NABP2: variants seen among roughly 807,000 people sequenced by gnomAD.
NABP2 encodes the protein nucleic acid binding protein 2, also known as SOSS complex subunit B1.
Under a neutral mutation model 22.7 loss-of-function variants are expected in NABP2, and 7 were observed. The observed-to-expected ratio is 0.31, with a 90% CI of 0.18 to 0.58. NABP2 has a LOEUF of 0.58. Ranked by LOEUF, NABP2 falls within the 20% of genes least tolerant of loss-of-function variation. The pLI, the probability that NABP2 is intolerant of heterozygous loss-of-function variation, is 0.89. For synonymous variants in NABP2, 107 were observed against 99.2 expected (o/e 1.08, Z -0.47); for missense variants, 188 against 265.9 (o/e 0.71, Z 2.04).
rs957219985 is a variant in NABP2, at chr12:56,225,445, A to T, written c.152A>T (p.Asn51Ile). The T allele has an allele frequency of 6.2e-7, 1 of 1,614,070 alleles. No homozygotes were observed. Among genetic ancestry groups the T allele is most frequent in the Non-Finnish European group, 8.5e-7 (1 of 1,180,054 alleles). Residue 51 changes from asparagine (N) to isoleucine (I), a missense_variant, in exon 3 of 7, where the codon AAT becomes ATT. Asn to Ile is a moderately radical substitution (Grantham distance 149). Transcript: ENST00000267023. Reference protein sequence around the residue: ...CKVADKTGSINISVWDDVGNL... With the variant: ...CKVADKTGSIIISVWDDVGNL... ...GTGGCGGACAAAACAGGCAGCATCA[A>T]TATCTCTGTCTGGGACGATGTTGGC...
intron 4 of NABP2, 148 bp from the exon 5 acceptor site, chr12:56,226,031 G>A: frequency 2.8e-6 from 2 of 722,258 alleles, no homozygotes; most frequent in Non-Finnish European, 2.4e-6. Flanking sequence ...CAAACTCCTG[G>A]GCTGAAGTGA....
At chr12:56,224,553 T>C in intron 1 of NABP2, 112 bp downstream of exon 1, 4 of 1,205,368 alleles carry the variant, frequency 3.3e-6, no homozygotes, top group Non-Finnish European at 4.2e-6. Context: ...GTGCACCGGG[T>C]TCCCTACCCC....
chr12:56,229,061 G>C lies in NABP2; in HGVS notation c.484G>C (p.Gly162Arg), dbSNP rs756410440. ...GNGLSAPPGP[G>R]GGPHPPHTPS... ...TGGACTGAGTGCCCCACCAGGTCCC[G>C]GTGGTGGCCCACATCCCCCTCATAC... Residue 162 changes from glycine to arginine, a missense_variant, in exon 7 of 7, where the codon GGT (glycine) becomes CGT (arginine). Coordinates refer to ENST00000267023, the MANE Select transcript of NABP2 (RefSeq NM_024068.4). 1 of 1,612,978 alleles carries C rather than the reference G, an allele frequency of 6.2e-7. No homozygotes were observed. Among genetic ancestry groups the C allele is most frequent in the South Asian group, 1.1e-5 (1 of 90,870 alleles).
chr12:56,229,564 G>A lies in NABP2; in HGVS notation c.*351G>A, dbSNP rs573578806. ...AGCCTGACCAACATGGAGAAACCCC[G>A]TGTCTACTAAAAATACAGAATTAGC... On this transcript the variant is annotated 3_prime_UTR_variant, in exon 7 of 7. Coordinates refer to ENST00000267023, the MANE Select transcript of NABP2 (RefSeq NM_024068.4). 8.4e-5 allele frequency: 21 copies of A among 250,954 alleles called. No homozygotes were observed. Among genetic ancestry groups the A allele is most frequent in the Admixed American group, 7.0e-4 (14 of 19,878 alleles). The allele number at this position is 250,954 out of a possible 1,614,324, so 15.5% of individuals were successfully genotyped here.
At chr12:56,226,753 A>T (rs1305470347) in intron 6 of NABP2, among the ~76,000 whole-genome samples, 1 of 6,622 alleles carries the variant, frequency 1.5e-4, no homozygotes. Flanking sequence ...TTTGAGATGG[A>T]GTCTCTGTCA....
rs772446545 is a variant in NABP2 at position 56,226,216 on chromosome 12, G to A, written c.328G>A (p.Glu110Lys). The change falls in exon 5 of 7, where the codon GAG becomes AAG. Residue 110 changes from glutamate (E) to lysine (K), a missense_variant. Glu to Lys is a moderately conservative substitution (Grantham distance 56). Transcript: ENST00000267023. ...TTATTCTGAGGTTCCTAACTTCAGTGAGCCAAACCCAGAGTACAGCACCCA... is the reference window on the plus strand; with the variant it reads ...TTATTCTGAGGTTCCTAACTTCAGTAAGCCAAACCCAGAGTACAGCACCCA... ...MVYSEVPNFS[E>K]PNPEYSTQQA... 6.2e-7 allele frequency: 1 copy of A among 1,614,150 alleles called. No individual in the cohort carries two copies. The highest frequency in any genetic ancestry group is 8.5e-7 in the Non-Finnish European group (1 of 1,180,026).
At chr12:56,228,430 G>A (rs1481315084) in intron 6 of NABP2, among the ~76,000 whole-genome samples, 8 of 150,218 alleles carry the variant, frequency 5.3e-5, no homozygotes, top group South Asian at 2.1e-4. Context: ...ACTGTCACCC[G>A]GGCTGGAGTG....
chr12:56,224,540 G>T, intron 1 of NABP2, 99 bp downstream of exon 1: 1 of 1,185,920 alleles, frequency 8.4e-7, no homozygotes, highest in Non-Finnish European at 1.1e-6. Context: ...CTACTCCCTG[G>T]CTGTGCACCG....
chr12:56,226,556 CCTTT>C, intron 6 of NABP2, 137 bp downstream of exon 6: 1 of 471,018 alleles, frequency 2.1e-6, no homozygotes, highest in Non-Finnish European at 3.7e-6. Flanking sequence ...CTCCCAGACC[CCTTT>C]TTTTTTTTTT....
At chr12:56,223,674 A>T (rs1455161547), upstream of NABP2, 1 of 152,222 alleles carries the variant, frequency 6.6e-6, no homozygotes, top group Non-Finnish European at 1.5e-5. Flanking sequence ...TGGGTAGTGC[A>T]TTAAAGATGA....
At chr12:56,227,909 C>T (rs542002525) in intron 6 of NABP2, among the ~76,000 whole-genome samples, 1 of 152,286 alleles carries the variant, frequency 6.6e-6, no homozygotes, top group East Asian at 1.9e-4. Context: ...AATCTTTTCA[C>T]TAGCTGGGCG....
chr12:56,226,106 T>C, intron 4 of NABP2, 73 bp from the exon 5 acceptor site: 3 of 1,411,102 alleles, frequency 2.1e-6, no homozygotes, highest in Non-Finnish European at 3.0e-6. Flanking sequence ...CGAACCTATC[T>C]GGACTTTTCT....
rs1169682117 is a variant in NABP2 at position 56,229,126 on chromosome 12, G to A, written c.549G>A (p.Gln183=). The change falls in exon 7 of 7, where the codon CAG becomes CAA. Residue 183 remains glutamine (Q), a synonymous_variant. Coordinates refer to ENST00000267023, the MANE Select transcript of NABP2 (RefSeq NM_024068.4). ...HPPSTRITRS[Q]PNHTPAGPPG... ...CCAGCACCCGAATCACTCGAAGCCA[G>A]CCCAACCACACACCTGCAGGCCCGC... 7.9e-7 allele frequency: 1 copy of A among 1,269,714 alleles called. No individual in the cohort carries two copies. Among genetic ancestry groups the A allele is most frequent in the African/African-American group, 1.8e-5 (1 of 54,174 alleles). 78.7% of individuals were successfully genotyped at this position (1,269,714 alleles called of 1,614,324 possible).
intron 4 of NABP2, 42 bp downstream of exon 4, chr12:56,225,737 C>T (rs1869732006): frequency 1.2e-6 from 2 of 1,602,342 alleles, no homozygotes; most frequent in Non-Finnish European, 8.6e-7. Context: ...AGCACCAGGG[C>T]AAAGGGGTTT....
intron 6 of NABP2, 140 bp downstream of exon 6, chr12:56,226,559 T>C: frequency 6.4e-6 from 2 of 313,890 alleles, no homozygotes; most frequent in Non-Finnish European, 5.3e-6. Flanking sequence ...CCAGACCCCT[T>C]TTTTTTTTTT....
chr12:56,224,211 T>A (rs1211722500), upstream of NABP2: 1 of 498,924 alleles, frequency 2.0e-6, no homozygotes, highest in African/African-American at 2.1e-5. Context: ...TACCTGAAAT[T>A]CGCCCCCTTC....
rs758138942 is a variant in NABP2, at chr12:56,226,165, T to C, written c.291-14T>C. On this transcript the variant is annotated splice_polypyrimidine_tract_variant and intron_variant, in intron 4 of 6. Transcript: ENST00000267023. Reference sequence around the variant, plus strand: ...GGATGAATTCAAGGCTTTAGCTACTTTCTTCCCTTGCAGATTCTGTATGGT... The same window carrying C: ...GGATGAATTCAAGGCTTTAGCTACTCTCTTCCCTTGCAGATTCTGTATGGT... 1 of 1,613,734 alleles carries C rather than the reference T, an allele frequency of 6.2e-7. No individual in the cohort carries two copies. Among genetic ancestry groups the C allele is most frequent in the Non-Finnish European group, 8.5e-7 (1 of 1,179,656 alleles).
intron 6 of NABP2, among the ~76,000 whole-genome samples, chr12:56,227,408 T>G (rs1466329348): frequency 6.6e-6 from 1 of 151,390 alleles, no homozygotes; most frequent in African/African-American, 2.4e-5. Flanking sequence ...AGGCTATAAC[T>G]TCCATGCCAT....
At chr12:56,226,296 C>G in intron 5 of NABP2, 36 bp downstream of exon 5, 4 of 1,613,634 alleles carry the variant, frequency 2.5e-6, no homozygotes, top group Non-Finnish European at 3.4e-6. Context: ...GAAAGGAGGG[C>G]AGATCAAGAC....
Sources: allele counts gnomAD v4.1 joint callset (sites outside exome capture counted in the v4.1 genomes callset), GRCh38; gene constraint gnomAD v4.1.1; transcripts MANE v1.5; gene names NCBI Gene and HGNC (gene_info 2026-07-23, HGNC 2026-07-21).